The following ANKRD44 variants were observed in gnomAD, a reference collection of about 807,000 sequenced individuals.
The protein encoded by ANKRD44 is serine/threonine-protein phosphatase 6 regulatory ankyrin repeat subunit B.
ANKRD44 carries 35 observed loss-of-function variants against 116.0 expected under a neutral mutation model. The ratio of observed to expected loss-of-function variants is 0.30; its 90% confidence interval spans 0.23 to 0.40. The LOEUF (loss-of-function observed/expected upper bound fraction) is 0.40, where lower values mean the gene tolerates loss of function less well. Among genes scored for constraint, ANKRD44 ranks in the 10% least tolerant of loss-of-function variants. The probability of loss-of-function intolerance (pLI) is 1.00; values close to 1 mark genes in which losing one functional copy is unlikely to be tolerated. For missense variants in ANKRD44, 1,014 were observed against 1,242.6 expected, an observed-to-expected ratio of 0.82 and a Z score of 2.77; for synonymous variants, 435 against 461.8, an observed-to-expected ratio of 0.94 and a Z score of 0.74.
intron 1 of ANKRD44, among the ~76,000 whole-genome samples, chr2:197,265,067 G>A (rs575068165): frequency 8.5e-5 from 13 of 152,140 alleles, no homozygotes; most frequent in African/African-American, 2.9e-4. Flanking sequence ...ACAGAATTCC[G>A]TCCTCATAGA....
chr2:197,140,700 G>C (rs2079340363), intron 3 of ANKRD44, among the ~76,000 whole-genome samples: 2 of 147,544 alleles, frequency 1.4e-5, no homozygotes, highest in Non-Finnish European at 3.0e-5. Context: ...TAGATCTCAT[G>C]TTAAGTGTTC....
At chr2:197,153,757 T>C (rs1461470973) in intron 2 of ANKRD44, among the ~76,000 whole-genome samples, 2 of 152,160 alleles carry the variant, frequency 1.3e-5, no homozygotes, top group Admixed American at 6.5e-5. Flanking sequence ...AAAAAATACT[T>C]TTAGGGATAA....
chr2:197,177,579 AGTTTGTGTGTGT>A (rs1048432519), intron 2 of ANKRD44, among the ~76,000 whole-genome samples: 4 of 151,818 alleles, frequency 2.6e-5, no homozygotes, highest in Non-Finnish European at 5.9e-5. Context: ...CTTTCTCGTG[AGTTTGTGTGTGT>A]GTTTGTGTGT....
At chr2:197,238,697 T>A (rs1291830238) in intron 1 of ANKRD44, among the ~76,000 whole-genome samples, 3 of 151,964 alleles carry the variant, frequency 2.0e-5, no homozygotes, top group Non-Finnish European at 4.4e-5. Context: ...AGGTTCCATC[T>A]ATCTTTTTTT....
At chr2:197,264,400 C>A (rs1470512337) in intron 1 of ANKRD44, among the ~76,000 whole-genome samples, 1 of 152,212 alleles carries the variant, frequency 6.6e-6, no homozygotes, top group Non-Finnish European at 1.5e-5. Flanking sequence ...CAACCGCTAT[C>A]TTTTGTTTTG....
intron 1 of ANKRD44, among the ~76,000 whole-genome samples, chr2:197,227,505 C>T (rs2081745493): frequency 6.6e-6 from 1 of 152,054 alleles, no homozygotes. Flanking sequence ...GAAAACTCCT[C>T]AAGGGCCATC....
At chr2:197,309,167 C>G (rs1012914390) in intron 1 of ANKRD44, among the ~76,000 whole-genome samples, 12 of 152,142 alleles carry the variant, frequency 7.9e-5, no homozygotes, top group African/African-American at 2.9e-4. Context: ...ATGACAGGCC[C>G]AAGACACGCT....
At chr2:197,084,171 A>G (rs1246063734) in intron 13 of ANKRD44, among the ~76,000 whole-genome samples, 5 of 152,116 alleles carry the variant, frequency 3.3e-5, no homozygotes, top group Non-Finnish European at 7.4e-5. Flanking sequence ...ACTGGTCCCA[A>G]TCTCCTTTGA....
At chr2:197,163,608 G>C (rs575607085) in intron 2 of ANKRD44, among the ~76,000 whole-genome samples, 1 of 152,184 alleles carries the variant, frequency 6.6e-6, no homozygotes, top group African/African-American at 2.4e-5. Flanking sequence ...TGGAAGAAGT[G>C]GGCTGGTGAT....
At chr2:196,993,743 C>T in intron 26 of ANKRD44, 69 bp from the exon 27 acceptor site, 3 of 1,292,276 alleles carry the variant, frequency 2.3e-6, no homozygotes, top group East Asian at 2.5e-5. Flanking sequence ...TTTTGTTAGC[C>T]CATGTCACTA....
intron 21 of ANKRD44, among the ~76,000 whole-genome samples, chr2:196,980,689 A>G (rs1409160463): frequency 6.6e-6 from 1 of 152,092 alleles, no homozygotes; most frequent in Non-Finnish European, 1.5e-5. Context: ...TTTTCTGGAG[A>G]GCCTCATAAA....
chr2:197,191,413 T>G (rs2080819434), intron 1 of ANKRD44, among the ~76,000 whole-genome samples: 1 of 152,154 alleles, frequency 6.6e-6, no homozygotes. Context: ...CTTATAAATT[T>G]TGTAGCTGAA....
At chr2:197,111,156 T>C (rs901958476) in intron 8 of ANKRD44, among the ~76,000 whole-genome samples, 3 of 152,198 alleles carry the variant, frequency 2.0e-5, no homozygotes, top group African/African-American at 4.8e-5. Flanking sequence ...TAACATCACA[T>C]GTTTTAAAAG....
At chr2:197,034,953 A>C (rs1000171276) in intron 16 of ANKRD44, among the ~76,000 whole-genome samples, 4 of 152,212 alleles carry the variant, frequency 2.6e-5, no homozygotes, top group Non-Finnish European at 5.9e-5. Context: ...TGGTCCAAGA[A>C]TATTATTGTA....
intron 10 of ANKRD44, among the ~76,000 whole-genome samples, chr2:197,096,621 A>C (rs2078166491): frequency 6.6e-6 from 1 of 152,158 alleles, no homozygotes; most frequent in Non-Finnish European, 1.5e-5. Flanking sequence ...TAATGATAAA[A>C]CTTGTCATAT....
intron 21 of ANKRD44, among the ~76,000 whole-genome samples, chr2:196,981,404 T>C (rs1312806550): frequency 6.6e-6 from 1 of 152,230 alleles, no homozygotes; most frequent in African/African-American, 2.4e-5. Context: ...CCAGGATGAC[T>C]GGTATCATTT....
intron 8 of ANKRD44, among the ~76,000 whole-genome samples, chr2:197,113,910 G>T (rs533376320): frequency 2.0e-5 from 3 of 152,142 alleles, no homozygotes; most frequent in Non-Finnish European, 2.9e-5. Flanking sequence ...AGGTAGATAA[G>T]GTGGGGAAAT....
chr2:197,219,280 G>A (rs1002750125), intron 1 of ANKRD44, among the ~76,000 whole-genome samples: 4 of 152,100 alleles, frequency 2.6e-5, no homozygotes, highest in African/African-American at 9.7e-5. Context: ...ATGTTGGCCA[G>A]GATGGTCTTG....
At chr2:197,028,038 C>T (rs1299719745) in intron 16 of ANKRD44, among the ~76,000 whole-genome samples, 1 of 152,048 alleles carries the variant, frequency 6.6e-6, no homozygotes, top group Non-Finnish European at 1.5e-5. Context: ...GGCCTGAGAA[C>T]TGACCACTGT....
Sources: allele counts gnomAD v4.1 joint callset (sites outside exome capture counted in the v4.1 genomes callset), GRCh38; gene constraint gnomAD v4.1.1; transcripts MANE v1.5; gene names NCBI Gene and HGNC (gene_info 2026-07-23, HGNC 2026-07-21).